The following FAM118A variants were observed in gnomAD, a reference collection of about 807,000 sequenced individuals.
The protein encoded by FAM118A is SIR2 antiphage like 2.
FAM118A carries 25 observed loss-of-function variants against 38.2 expected under a neutral mutation model. That is an observed-to-expected ratio of 0.65 (90% CI 0.48 to 0.91). The LOEUF (loss-of-function observed/expected upper bound fraction) is 0.91, where lower values mean the gene tolerates loss of function less well. Ranked by LOEUF, FAM118A falls within the 40% of genes least tolerant of loss-of-function variation. The pLI is 0.00. For synonymous variants in FAM118A, 178 were observed against 184.1 expected, an observed-to-expected ratio of 0.97 and a Z score of 0.27; for missense variants, 425 against 463.3, an observed-to-expected ratio of 0.92 and a Z score of 0.76.
At chr22:45,310,680 A>T (rs573907874) in intron 1 of FAM118A, among the ~76,000 whole-genome samples, 4 of 152,122 alleles carry the variant, frequency 2.6e-5, no homozygotes, top group African/African-American at 9.6e-5. Context: ...GTCTGGTGAT[A>T]ACTTAAGACG....
chr22:45,313,878 T>G (rs1020557007), intron 1 of FAM118A, among the ~76,000 whole-genome samples: 2 of 152,198 alleles, frequency 1.3e-5, no homozygotes, highest in East Asian at 3.8e-4. Context: ...TAGCTTTAAT[T>G]TTAATTAAAT....
upstream of FAM118A, chr22:45,309,812 C>CGGGGG (rs1239586921): frequency 6.6e-6 from 1 of 151,482 alleles, no homozygotes; most frequent in Non-Finnish European, 1.5e-5. Context: ...GGCGGCGGGG[C>CGGGGG]GGGGCGGGGC....
In FAM118A at chr22:45,328,039, C is replaced by T. The variant is rs111386114; in HGVS notation, c.498C>T (p.Ser166=). The T allele has an allele frequency of 9.5e-4, 1,062 of 1,112,570 alleles. 16 individuals are homozygous for T. The highest frequency in any genetic ancestry group is 8.2e-3 in the African/African-American group (480 of 58,454). 68.9% of individuals were successfully genotyped at this position (1,112,570 alleles called of 1,614,324 possible). The change falls in exon 4 of 9, where the codon TCC becomes TCT. Residue 166 remains serine, a synonymous_variant. Coordinates refer to ENST00000441876, the MANE Select transcript of FAM118A (RefSeq NM_017911.4). ...GGCGGCAGAACAAGCCCATGGAGTC[C>T]CTGGACTTGAAGGACAAGACCAAGG... ...FGRRQNKPME[S]LDLKDKTKVL... is the part of the protein sequence containing the mutation.
In FAM118A at chr22:45,323,256, C is replaced by G. The variant is rs1379071065; in HGVS notation, c.129C>G (p.Ala43=). 6.2e-7 allele frequency: 1 copy of G among 1,614,056 alleles called. No homozygotes were observed. ...VIGTGVSAAV[A]PGIPALCSWR... is the part of the protein sequence containing the mutation. Reference sequence around the variant, plus strand: ...GGACTGGCGTCAGCGCAGCAGTGGCCCCCGGAATCCCTGCCCTTTGCTCGT... The same window carrying G: ...GGACTGGCGTCAGCGCAGCAGTGGCGCCCGGAATCCCTGCCCTTTGCTCGT... Residue 43 remains alanine (A), a synonymous_variant, in exon 3 of 9, where the codon GCC becomes GCG. Coordinates refer to ENST00000441876, the MANE Select transcript of FAM118A (RefSeq NM_017911.4).
At chr22:45,339,762 T>C (rs891363196) in intron 8 of FAM118A, among the ~76,000 whole-genome samples, 118 of 152,348 alleles carry the variant, frequency 7.7e-4, no homozygotes, top group African/African-American at 2.2e-3. Context: ...TGTGTGTACA[T>C]AGATTTTGTC....
upstream of FAM118A, chr22:45,309,423 AAAG>A (rs2084274511): frequency 6.6e-6 from 1 of 152,258 alleles, no homozygotes; most frequent in African/African-American, 2.4e-5. Flanking sequence ...TCTGAAAAAG[AAAG>A]AAGGTAGGGC....
At chr22:45,320,424 C>CCTT (rs1396816737) in intron 1 of FAM118A, among the ~76,000 whole-genome samples, 4 of 138,602 alleles carry the variant, frequency 2.9e-5, no homozygotes, top group Non-Finnish European at 6.1e-5. Flanking sequence ...TTCTTTTCTT[C>CCTT]CTTCTTCTTC....
chr22:45,309,606 C>G (rs925043570), upstream of FAM118A: 3 of 152,362 alleles, frequency 2.0e-5, no homozygotes, highest in Non-Finnish European at 4.4e-5. Context: ...GCTCCCGCCC[C>G]CTTTCTGCAA....
intron 6 of FAM118A, among the ~76,000 whole-genome samples, chr22:45,334,177 GGTAA>G (rs2085924997): frequency 6.6e-6 from 1 of 152,172 alleles, no homozygotes; most frequent in African/African-American, 2.4e-5. Context: ...GAATGACCAG[GGTAA>G]GTGAGAAATT....
intron 8 of FAM118A, among the ~76,000 whole-genome samples, chr22:45,337,514 C>G (rs564481047): frequency 3.7e-4 from 56 of 152,234 alleles, no homozygotes; most frequent in Non-Finnish European, 6.5e-4. Flanking sequence ...TTAGGTTCTT[C>G]TTTCCCCTTT....
intron 8 of FAM118A, among the ~76,000 whole-genome samples, chr22:45,339,142 C>A (rs966190501): frequency 6.6e-6 from 1 of 152,198 alleles, no homozygotes; most frequent in African/African-American, 2.4e-5. Flanking sequence ...TAGTGGTTCA[C>A]GCCTATATTA....
At chr22:45,334,485 A>T (rs1467159658) in intron 6 of FAM118A, among the ~76,000 whole-genome samples, 1 of 152,194 alleles carries the variant, frequency 6.6e-6, no homozygotes, top group South Asian at 2.1e-4. Flanking sequence ...AAATGGACCA[A>T]TGTAAGTTCC....
At chr22:45,322,276 T>C in intron 1 of FAM118A, 95 bp from the exon 2 acceptor site, 1 of 1,581,334 alleles carries the variant, frequency 6.3e-7, no homozygotes, top group Non-Finnish European at 8.6e-7. Context: ...TTGAGGACCT[T>C]TGATTTTAAT....
At chr22:45,317,365 G>A (rs1479850800) in intron 1 of FAM118A, among the ~76,000 whole-genome samples, 1 of 152,238 alleles carries the variant, frequency 6.6e-6, no homozygotes, top group East Asian at 1.9e-4. Context: ...GGCAACAAGA[G>A]TGAAACTCAC....
chr22:45,335,151 C>T (rs2085994424), intron 6 of FAM118A, 199 bp from the exon 7 acceptor site: 1 of 580,018 alleles, frequency 1.7e-6, no homozygotes, highest in Non-Finnish European at 3.1e-6. Flanking sequence ...CCAGCTGGCT[C>T]CTTCAGCGAG....
At chr22:45,324,412 G>A (rs1231659856) in intron 3 of FAM118A, among the ~76,000 whole-genome samples, 1 of 152,204 alleles carries the variant, frequency 6.6e-6, no homozygotes, top group Non-Finnish European at 1.5e-5. Flanking sequence ...AGTGCGGGGA[G>A]GGGAGGAAGT....
rs376179914 is a variant in FAM118A, at chr22:45,332,443, T to A, written c.670T>A (p.Tyr224Asn). ...AEVMEVLQNL[Y>N]RTKSFLFVGC... is the part of the protein sequence containing the mutation. Reference sequence around the variant, plus strand: ...TTTCTAGGAAGTCCTCCAGAACTTATACCGCACCAAGTCCTTTCTGTTTGT... The same window carrying A: ...TTTCTAGGAAGTCCTCCAGAACTTAAACCGCACCAAGTCCTTTCTGTTTGT... Residue 224 changes from tyrosine to asparagine, a missense_variant, in exon 6 of 9, where the codon TAC becomes AAC. Coordinates refer to ENST00000441876, the MANE Select transcript of FAM118A (RefSeq NM_017911.4). The A allele has an allele frequency of 9.3e-6, 15 of 1,613,592 alleles. No individual in the cohort carries two copies. Among genetic ancestry groups the A allele is most frequent in the Non-Finnish European group, 1.3e-5 (15 of 1,179,856 alleles).
intron 5 of FAM118A, 56 bp downstream of exon 5, chr22:45,330,787 C>G: frequency 1.4e-6 from 2 of 1,452,134 alleles, no homozygotes; most frequent in Non-Finnish European, 1.8e-6. Flanking sequence ...CTGGTGGCCA[C>G]TGGCCATTGG....
Position 45,328,481 on chromosome 22 carries a change from A to G in FAM118A, c.522+418A>G, listed in dbSNP as rs746666595. On this transcript the variant is annotated intron_variant, in intron 4 of 8. Coordinates refer to ENST00000441876, the MANE Select transcript of FAM118A (RefSeq NM_017911.4). ...ACTTTGTAGCAGTGAATTACTAATA[A>G]AGTAGCCAGGCATGGTGGCGCCTGC... 4.7e-6 allele frequency: 4 copies of G among 845,552 alleles called. No homozygotes were observed. In the Admixed American group the frequency reaches 5.1e-5, roughly 11 times the overall value. 52.4% of individuals were successfully genotyped at this position (845,552 alleles called of 1,614,324 possible).
Sources: allele counts gnomAD v4.1 joint callset (sites outside exome capture counted in the v4.1 genomes callset), GRCh38; gene constraint gnomAD v4.1.1; transcripts MANE v1.5; gene names NCBI Gene and HGNC (gene_info 2026-07-23, HGNC 2026-07-21).